GPC3: variants seen among roughly 807,000 people sequenced by gnomAD.
The protein encoded by GPC3 is glypican-3.
A neutral mutation model predicts 34.4 loss-of-function variants in GPC3; 3 were observed. That is an observed-to-expected ratio of 0.09 (90% CI 0.04 to 0.23). The LOEUF is 0.23. Ranked by LOEUF, GPC3 falls within the 10% of genes least tolerant of loss-of-function variation. GPC3 has a pLI of 1.00. For synonymous variants in GPC3, 177 were observed against 174.0 expected (o/e 1.02, Z -0.13); for missense variants, 351 against 445.6 (o/e 0.79, Z 1.91).
chrX:133,823,708 A>T (rs1339500181), intron 2 of GPC3, among the ~76,000 whole-genome samples: 2 of 111,607 alleles, frequency 1.8e-5, no homozygotes, highest in Non-Finnish European at 3.8e-5. Context: ...GTCCAGGCAC[A>T]GTGGCTGACA....
At chrX:133,540,210 C>T (rs900910208) in intron 7 of GPC3, among the ~76,000 whole-genome samples, 11 of 112,443 alleles carry the variant, frequency 9.8e-5, no homozygotes, top group African/African-American at 3.2e-4. Context: ...GGGTATCTAC[C>T]CAAAGGAAAA....
At chrX:133,575,915 A>G (rs749051210) in intron 7 of GPC3, among the ~76,000 whole-genome samples, 2 of 111,586 alleles carry the variant, frequency 1.8e-5, no homozygotes, top group Admixed American at 1.9e-4. Context: ...GGAAATGTAT[A>G]TAAAGAGAGG....
chrX:133,828,509 A>T (rs1236917052), intron 2 of GPC3, among the ~76,000 whole-genome samples: 1 of 112,219 alleles, frequency 8.9e-6, no homozygotes, highest in Non-Finnish European at 1.9e-5. Context: ...ACAAGAAAAA[A>T]CATAAAACAT....
intron 6 of GPC3, among the ~76,000 whole-genome samples, chrX:133,616,125 A>C (rs2124352514): frequency 8.9e-6 from 1 of 112,123 alleles, no homozygotes; most frequent in East Asian, 2.8e-4. Flanking sequence ...AAGTAACACG[A>C]CTTTGTACAT....
At chrX:133,879,745 G>A (rs1203483326) in intron 2 of GPC3, among the ~76,000 whole-genome samples, 1 of 109,387 alleles carries the variant, frequency 9.1e-6, no homozygotes, top group East Asian at 2.8e-4. Flanking sequence ...GGTGGAGGCT[G>A]CAGTGAGCTG....
At chrX:133,615,327 T>C (rs1284680158) in intron 6 of GPC3, among the ~76,000 whole-genome samples, 3 of 111,689 alleles carry the variant, frequency 2.7e-5, no homozygotes, top group African/African-American at 9.7e-5. Context: ...CAGCAACATA[T>C]ACAAAGGATT....
chrX:133,905,681 G>A (rs950034458), intron 2 of GPC3, among the ~76,000 whole-genome samples: 8 of 110,915 alleles, frequency 7.2e-5, no homozygotes, highest in African/African-American at 1.3e-4. Context: ...ATCTAATACC[G>A]TATGAAACTT....
intron 2 of GPC3, among the ~76,000 whole-genome samples, chrX:133,909,155 C>T (rs369003093): frequency 2.0e-4 from 22 of 112,220 alleles, no homozygotes; most frequent in African/African-American, 5.5e-4. Flanking sequence ...GTTAAATAAA[C>T]GAATATTTGG....
At chrX:133,931,431 G>A (rs1034582520) in intron 2 of GPC3, among the ~76,000 whole-genome samples, 6 of 110,831 alleles carry the variant, frequency 5.4e-5, no homozygotes. Context: ...ATAGAGCTGA[G>A]GGCTGAAACC....
intron 5 of GPC3, among the ~76,000 whole-genome samples, chrX:133,673,011 G>A (rs1038196603): frequency 1.7e-4 from 17 of 102,706 alleles, no homozygotes; most frequent in Non-Finnish European, 3.2e-4. Flanking sequence ...GCGCAATCTC[G>A]GCTCCCTGCA....
chrX:133,738,365 C>T (rs1029308847), intron 3 of GPC3, among the ~76,000 whole-genome samples: 5 of 111,501 alleles, frequency 4.5e-5, no homozygotes, highest in Admixed American at 9.6e-5. Flanking sequence ...AGTGATAACC[C>T]GTAATCCCAA....
intron 5 of GPC3, among the ~76,000 whole-genome samples, chrX:133,688,231 C>T (rs940450736): frequency 4.5e-5 from 5 of 111,628 alleles, no homozygotes; most frequent in Non-Finnish European, 7.5e-5. Flanking sequence ...ATGCTAGTGG[C>T]TCACATAAAA....
At chrX:133,753,006 T>G (rs950135461) in intron 3 of GPC3, among the ~76,000 whole-genome samples, 7 of 111,817 alleles carry the variant, frequency 6.3e-5, no homozygotes, top group Admixed American at 5.7e-4. Context: ...AAGTTGCAAT[T>G]TCACTTAAGC....
At chrX:133,584,667 C>T (rs1047385981) in intron 7 of GPC3, among the ~76,000 whole-genome samples, 2 of 110,770 alleles carry the variant, frequency 1.8e-5, no homozygotes, top group Non-Finnish European at 3.8e-5. Context: ...TTGGCAGAGA[C>T]GGGGTTTCAC....
intron 2 of GPC3, among the ~76,000 whole-genome samples, chrX:133,944,882 G>A (rs1388170669): frequency 9.0e-6 from 1 of 111,450 alleles, no homozygotes; most frequent in Non-Finnish European, 1.9e-5. Flanking sequence ...TTTAATGAAT[G>A]GCTCAGAGAG....
chrX:133,916,659 A>G (rs1207457811), intron 2 of GPC3, among the ~76,000 whole-genome samples: 1 of 111,285 alleles, frequency 9.0e-6, no homozygotes, highest in East Asian at 2.8e-4. Flanking sequence ...CAGGGAGATC[A>G]CTGGAGCCCA....
chrX:133,894,966 A>G (rs1413867831), intron 2 of GPC3, among the ~76,000 whole-genome samples: 2 of 112,702 alleles, frequency 1.8e-5, no homozygotes, highest in Non-Finnish European at 3.7e-5. Context: ...TTTTTAGCTA[A>G]TTGGTCCATC....
At chrX:133,650,892 T>G (rs1005589730) in intron 6 of GPC3, among the ~76,000 whole-genome samples, 9 of 111,807 alleles carry the variant, frequency 8.0e-5, no homozygotes, top group Non-Finnish European at 7.5e-5. Flanking sequence ...AGCATGAGTA[T>G]AGGAAAGTTA....
intron 2 of GPC3, among the ~76,000 whole-genome samples, chrX:133,940,781 C>A (rs1316267107): frequency 8.9e-6 from 1 of 112,359 alleles, no homozygotes; most frequent in Non-Finnish European, 1.9e-5. Flanking sequence ...GCCATCTCAA[C>A]CATCTGGCAG....
Sources: allele counts gnomAD v4.1 joint callset (sites outside exome capture counted in the v4.1 genomes callset), GRCh38; gene constraint gnomAD v4.1.1; transcripts MANE v1.5; gene names NCBI Gene and HGNC (gene_info 2026-07-23, HGNC 2026-07-21).